Variants in TAP2 observed in about 807,000 individuals in gnomAD.
The protein encoded by TAP2 is transporter 2, ATP binding cassette subfamily B member.
In TAP2, 49 loss-of-function variants were observed where a neutral mutation model predicts 74.7. The ratio of observed to expected loss-of-function variants is 0.66; its 90% CI spans 0.52 to 0.83. The LOEUF is 0.83. TAP2 is among the 40% of genes least tolerant of loss of function. The pLI is 0.00. For missense variants in TAP2, 739 were observed against 859.0 expected, an observed-to-expected ratio of 0.86 and a Z score of 1.75; for synonymous variants, 306 against 368.4, an observed-to-expected ratio of 0.83 and a Z score of 1.94.
intron 5 of TAP2, among the ~76,000 whole-genome samples, chr6:32,833,808 A>G (rs970698599): frequency 2.6e-5 from 4 of 152,214 alleles, no homozygotes; most frequent in African/African-American, 9.6e-5. Context: ...ACTGGGTAGG[A>G]GGTAATTGAA....
At position 32,828,679 on chromosome 6, in the gene TAP2, C is replaced by CACACCACCA; in HGVS notation, c.*226_*227insTGGTGGTGT. ...TAAGTTTCCTGGACACAGACAGCCC[C>CACACCACCA]CACCCCACCCCACCCCACCTCTCTA... On this transcript the variant is annotated 3_prime_UTR_variant, in exon 12 of 12. Coordinates refer to ENST00000374897, the MANE Select transcript of TAP2 (RefSeq NM_001290043.2). 1.1e-6 allele frequency: 1 copy of CACACCACCA among 948,140 alleles called. No individual in the cohort carries two copies. The highest frequency in any genetic ancestry group is 1.3e-6 in the Non-Finnish European group (1 of 788,692). The allele number at this position is 948,140 out of a possible 1,614,324, so 58.7% of individuals were successfully genotyped here.
chr6:32,823,599 G>A (rs978803627), downstream of TAP2, among the ~76,000 whole-genome samples: 8 of 151,134 alleles, frequency 5.3e-5, no homozygotes, highest in African/African-American at 1.9e-4. Context: ...CTTTATGTTA[G>A]GTGTCTTTTG....
chr6:32,829,655 C>A, intron 10 of TAP2, 119 bp from the exon 11 acceptor site: 2 of 1,485,796 alleles, frequency 1.3e-6, no homozygotes, highest in Non-Finnish European at 1.8e-6. Context: ...GGGCCCAGTG[C>A]GGGGAGGGCC....
chr6:32,830,479 T>A, intron 8 of TAP2, 39 bp from the exon 9 acceptor site: 1 of 1,594,044 alleles, frequency 6.3e-7, no homozygotes, highest in Non-Finnish European at 8.5e-7. Context: ...CTGCCCCTTC[T>A]CCCTCAAAAT....
intron 3 of TAP2, 65 bp downstream of exon 3, chr6:32,837,472 T>C: frequency 7.4e-7 from 1 of 1,353,504 alleles, no homozygotes; most frequent in South Asian, 1.2e-5. Context: ...GAAATGGAGT[T>C]AGGGAAGTGA....
chr6:32,829,288 C>T, intron 11 of TAP2, 112 bp downstream of exon 11: 2 of 1,506,092 alleles, frequency 1.3e-6, no homozygotes, highest in South Asian at 1.2e-5. Flanking sequence ...AAGGCACAGA[C>T]TGTTTCCACT....
Position 32,832,389 on chromosome 6 carries a change from G to T in TAP2, c.1216C>A (p.Gln406Lys). The T allele has an allele frequency of 6.2e-7, 1 of 1,613,010 alleles. No homozygotes were observed. The highest frequency in any genetic ancestry group is 8.5e-7 in the Non-Finnish European group (1 of 1,180,014). Residue 406 changes from glutamine to lysine, a missense_variant, in exon 7 of 12, where the codon CAG becomes AAG. Gln to Lys is a moderately conservative substitution (Grantham distance 53). Coordinates refer to ENST00000374897, the MANE Select transcript of TAP2 (RefSeq NM_001290043.2). The surrounding 1 kb of genome is among the most constrained non-coding windows in gnomAD (Gnocchi z 5.9). ...LQQMQDGELT[Q>K]GSLLSFMIYQ... ...ATCATAAAGGAAAGCAGGCTGCCCT[G>T]GGTGAGCTCCCCATCCTGCATCTGC...
rs1179794978 is a variant in TAP2, at chr6:32,827,646, T to C, written c.*1260A>G. 3.8e-6 allele frequency: 3 copies of C among 784,402 alleles called. No homozygotes were observed. Among genetic ancestry groups the C allele is most frequent in the African/African-American group, 1.8e-5 (1 of 54,206 alleles). 48.6% of individuals were successfully genotyped at this position (784,402 alleles called of 1,614,324 possible). A position where few individuals can be genotyped will look rare whatever the true frequency, so the allele number is the denominator to read the frequency against. On this transcript the variant is annotated 3_prime_UTR_variant, in exon 12 of 12. Coordinates refer to ENST00000374897, the MANE Select transcript of TAP2 (RefSeq NM_001290043.2). Reference sequence around the variant, plus strand: ...AGAAAATGGGCAAGAAAACACCATATGCAAAGGCACAAAGGTGTTGGGGAA... The same window carrying C: ...AGAAAATGGGCAAGAAAACACCATACGCAAAGGCACAAAGGTGTTGGGGAA...
Position 32,835,712 on chromosome 6 carries a change from G to C in TAP2, c.670C>G (p.Arg224Gly). ...GAGGAGAAAAGCTGCTCCCGGATCC[G>C]CAAGTTGATTCGAGACATGGTGTAG... is the stretch of plus-strand genomic sequence containing the variant. ...FTYTMSRINL[R>G]IREQLFSSLL... The change falls in exon 4 of 12, where the codon CGG becomes GGG. Residue 224 changes from arginine (R) to glycine (G), a missense_variant. Physicochemically the swap from Arg to Gly is moderately radical, Grantham distance 125. Coordinates refer to ENST00000374897, the MANE Select transcript of TAP2 (RefSeq NM_001290043.2). This position sits in a 1 kb window ranked among gnomAD's most constrained non-coding sequence, Gnocchi z 4.0. 6.2e-7 allele frequency: 1 copy of C among 1,613,092 alleles called. No homozygotes were observed. Among genetic ancestry groups the C allele is most frequent in the East Asian group, 2.2e-5 (1 of 44,880 alleles).
rs1769323309 is a variant in TAP2 at position 32,835,074 on chromosome 6, A to G, written c.945+80T>C. On this transcript the variant is annotated intron_variant, in intron 5 of 11. Coordinates refer to ENST00000374897, the MANE Select transcript of TAP2 (RefSeq NM_001290043.2). The surrounding 1 kb of genome is among the most constrained non-coding windows in gnomAD (Gnocchi z 4.0). The stretch of plus-strand genomic sequence containing the variant: ...AGAAGAGAACATCTCTCTCTAGGGG[A>G]TCCTCTAGCCACAAATGTGGAAGCC... 1 of 1,430,676 alleles carries G rather than the reference A, an allele frequency of 7.0e-7. No individual in the cohort carries two copies. The highest frequency in any genetic ancestry group is 1.8e-5 in the Admixed American group (1 of 56,362). 88.6% of individuals were successfully genotyped at this position (1,430,676 alleles called of 1,614,324 possible). A position where few individuals can be genotyped will look rare whatever the true frequency, so the allele number is the denominator to read the frequency against.
chr6:32,835,826 G>A lies in TAP2; in HGVS notation c.609-53C>T, dbSNP rs1435434688. ...GGAGATGCAGAGAAGGAGCAAGCCAGCGGGTGAAACAGAGGAGCAAGCCAG... is the reference window on the plus strand; with the variant it reads ...GGAGATGCAGAGAAGGAGCAAGCCAACGGGTGAAACAGAGGAGCAAGCCAG... On this transcript the variant is annotated intron_variant, in intron 3 of 11. Transcript: ENST00000374897. This position sits in a 1 kb window ranked among gnomAD's most constrained non-coding sequence, Gnocchi z 4.0. 8.7e-6 allele frequency: 14 copies of A among 1,612,512 alleles called. No homozygotes were observed. The Admixed American group carries it at 2.3e-4, about 27-fold the overall frequency.
At chr6:32,834,516 G>T (rs1698284176) in intron 5 of TAP2, among the ~76,000 whole-genome samples, 1 of 152,188 alleles carries the variant, frequency 6.6e-6, no homozygotes, top group Non-Finnish European at 1.5e-5. Flanking sequence ...TATTTAGTGG[G>T]TACAGAGTTT....
At chr6:32,823,863 T>C (rs1768469736), downstream of TAP2, among the ~76,000 whole-genome samples, 1 of 152,152 alleles carries the variant, frequency 6.6e-6, no homozygotes, top group Non-Finnish European at 1.5e-5. Flanking sequence ...GTTGCTTTGA[T>C]AAGTTTATTT....
chr6:32,838,465 TAAAAAA>T (rs9282316), intron 1 of TAP2, among the ~76,000 whole-genome samples, 182 bp downstream of exon 1: 98 of 136,064 alleles, frequency 7.2e-4, no homozygotes, highest in African/African-American at 2.7e-3. Flanking sequence ...GCCTCGTGCT[TAAAAAA>T]AAAAAAAAAA....
chr6:32,822,442 A>G (rs1768344099), downstream of TAP2: 2 of 674,490 alleles, frequency 3.0e-6, no homozygotes, highest in South Asian at 3.7e-5. Flanking sequence ...TTCATCTACA[A>G]TTTTTATATT....
At chr6:32,831,981 T>G (rs1367104874) in intron 7 of TAP2, among the ~76,000 whole-genome samples, 1 of 152,212 alleles carries the variant, frequency 6.6e-6, no homozygotes, top group Non-Finnish European at 1.5e-5. Flanking sequence ...TGTTATACAC[T>G]TTTAAAGATG....
rs752786876 is a variant in TAP2, at chr6:32,830,315, C to T, written c.1587G>A (p.Leu529=). Residue 529 remains leucine, a synonymous_variant, in exon 9 of 12, where the codon CTG becomes CTA. Coordinates refer to ENST00000374897, the MANE Select transcript of TAP2 (RefSeq NM_001290043.2). The part of the protein sequence containing the change: ...LYQPTGGQVL[L]DEKPISQYEH... Reference sequence around the variant, plus strand: ...CATACTGTGAGATGGGCTTTTCATCCAGCAGCACCTGTCCCCCTGTGGGCT... The same window carrying T: ...CATACTGTGAGATGGGCTTTTCATCTAGCAGCACCTGTCCCCCTGTGGGCT... 4.0e-5 allele frequency: 64 copies of T among 1,612,992 alleles called. No homozygotes were observed. Among genetic ancestry groups the T allele is most frequent in the Non-Finnish European group, 5.3e-5 (63 of 1,180,046 alleles).
chr6:32,835,711 C>G lies in TAP2; in HGVS notation c.671G>C (p.Arg224Pro). 1.2e-6 allele frequency: 2 copies of G among 1,613,010 alleles called. No individual in the cohort carries two copies. Among genetic ancestry groups the G allele is most frequent in the South Asian group, 2.2e-5 (2 of 91,074 alleles). Residue 224 changes from arginine (R) to proline (P), a missense_variant, in exon 4 of 12, where the codon CGG (arginine) becomes CCG (proline). Coordinates refer to ENST00000374897, the MANE Select transcript of TAP2 (RefSeq NM_001290043.2). The surrounding 1 kb of genome is among the most constrained non-coding windows in gnomAD (Gnocchi z 4.0). ...GGAGGAGAAAAGCTGCTCCCGGATC[C>G]GCAAGTTGATTCGAGACATGGTGTA... ...FTYTMSRINL[R>P]IREQLFSSLL...
rs1193933337 is a variant in TAP2 at position 32,830,633 on chromosome 6, G to A, written c.1446C>T (p.Asp482=). Residue 482 remains aspartate (D), a synonymous_variant, in exon 8 of 12, where the codon GAC becomes GAT. Transcript: ENST00000374897. ...DVSFAYPNRP[D]RPVLKGLTFT... ...TTTCAGGCACCTTGAGCACAGGCCT[G>A]TCAGGGCGATTGGGATATGCAAAGG... 6 of 1,612,972 alleles carry A rather than the reference G, an allele frequency of 3.7e-6. No homozygotes were observed. Among genetic ancestry groups the A allele is most frequent in the Non-Finnish European group, 8.5e-7 (1 of 1,180,038 alleles).
Sources: gnomAD v4.1 joint callset for allele counts (sites outside exome capture counted in the v4.1 genomes callset) on GRCh38, gnomAD v4.1.1 for gene constraint, Gnocchi (gnomAD v3.1) non-coding constraint, MANE v1.5 for transcripts, NCBI Gene and HGNC (gene_info 2026-07-23, HGNC 2026-07-21) for gene names.